FGL1: variants seen among roughly 807,000 people sequenced by gnomAD.
The protein encoded by FGL1 is fibrinogen like 1, also known as fibrinogen-like protein 1.
A neutral mutation model predicts 43.7 loss-of-function variants in FGL1; 59 were observed. That is an observed-to-expected ratio of 1.35 (90% confidence interval 1.10 to 1.68). The LOEUF (loss-of-function observed/expected upper bound fraction) is 1.68. Among genes scored for constraint, FGL1 ranks in the 40% most tolerant of loss-of-function variants. FGL1 has a pLI of 0.00. For synonymous variants in FGL1, 192 were observed against 126.5 expected, an observed-to-expected ratio of 1.52 and a Z score of -3.48; for missense variants, 596 against 373.0, an observed-to-expected ratio of 1.60 and a Z score of -4.92.
chr8:17,873,978 T>C, intron 5 of FGL1, 41 bp downstream of exon 5: 2 of 1,447,004 alleles, frequency 1.4e-6, no homozygotes, highest in Non-Finnish European at 9.3e-7. Context: ...AGTGTTGTTT[T>C]TATTATATTT....
Position 17,885,549 on chromosome 8 carries a change from T to A in FGL1, c.6A>T (p.Ala2=), listed in dbSNP as rs761863714. 2 of 1,613,604 alleles carry A rather than the reference T, an allele frequency of 1.2e-6. No individual in the cohort carries two copies. The highest frequency in any genetic ancestry group is 3.3e-5 in the Admixed American group (2 of 59,940). Residue 2 remains alanine (A), a synonymous_variant, in exon 2 of 8, where the codon GCA becomes GCT. Transcript: ENST00000427924. M[A]KVFSFILVTT... is the part of the protein sequence containing the mutation. ...TAACAAGGATGAAACTGAACACCTT[T>A]GCCATGTTCCCCCTTGAAAAAACTG...
At chr8:17,883,107 T>TATAG (rs1313972465) in intron 2 of FGL1, among the ~76,000 whole-genome samples, 40 of 47,728 alleles carry the variant, frequency 8.4e-4, no homozygotes, top group African/African-American at 5.1e-3. Flanking sequence ...ATATATTAAA[T>TATAG]AATATATATC....
At chr8:17,890,140 G>C (rs948904998) in intron 1 of FGL1, among the ~76,000 whole-genome samples, 4 of 152,160 alleles carry the variant, frequency 2.6e-5, no homozygotes, top group Non-Finnish European at 5.9e-5. Flanking sequence ...GTGAAGCAAA[G>C]TAACTTTCCT....
At chr8:17,877,865 C>T (rs546167439) in intron 3 of FGL1, among the ~76,000 whole-genome samples, 91 of 152,304 alleles carry the variant, frequency 6.0e-4, no homozygotes, top group African/African-American at 2.0e-3. Context: ...AGTAGGCTTT[C>T]TTCCTTGAAA....
intron 6 of FGL1, 37 bp downstream of exon 6, chr8:17,868,879 T>A: frequency 1.3e-6 from 2 of 1,514,652 alleles, no homozygotes; most frequent in Non-Finnish European, 1.8e-6. Context: ...ATTTTAAGCA[T>A]TTATTCACGG....
intron 2 of FGL1, 149 bp from the exon 3 acceptor site, chr8:17,882,328 C>A: frequency 1.5e-6 from 1 of 682,626 alleles, no homozygotes; most frequent in Non-Finnish European, 2.3e-6. Context: ...TTGAAAAGTT[C>A]TAATACTGCC....
intron 2 of FGL1, among the ~76,000 whole-genome samples, chr8:17,885,120 A>G (rs1481523285): frequency 6.6e-6 from 1 of 151,540 alleles, no homozygotes; most frequent in Non-Finnish European, 1.5e-5. Flanking sequence ...AGTTCACTGC[A>G]ATCTCCGCCT....
intron 3 of FGL1, among the ~76,000 whole-genome samples, chr8:17,876,942 G>A (rs1248504629): frequency 6.6e-6 from 1 of 152,020 alleles, no homozygotes; most frequent in South Asian, 2.1e-4. Flanking sequence ...CTTAAGAAAA[G>A]CTTTTAACTG....
rs775823806 is a variant in FGL1 at position 17,874,518 on chromosome 8, C to A, written c.248G>T (p.Cys83Phe). 3 of 1,602,680 alleles carry A rather than the reference C, an allele frequency of 1.9e-6. No individual in the cohort carries two copies. Among genetic ancestry groups the A allele is most frequent in the African/African-American group, 2.7e-5 (2 of 74,392 alleles). Residue 83 changes from cysteine to phenylalanine, a missense_variant, in exon 4 of 8, where the codon TGT becomes TTT. By Grantham distance (205) the Cys-to-Phe change is radical. Transcript: ENST00000427924. ...DLGSKRQYADCSEIFNDGYKL... is the reference protein window; with the variant it reads ...DLGSKRQYADFSEIFNDGYKL... ...ATACCCATCATTGAAAATCTCTGAACAATCTGTTTTTAAAACAAGGTAATG... is the reference window on the plus strand; with the variant it reads ...ATACCCATCATTGAAAATCTCTGAAAAATCTGTTTTTAAAACAAGGTAATG...
At chr8:17,891,871 T>A (rs574747498) in intron 1 of FGL1, 2 of 780,590 alleles carry the variant, frequency 2.6e-6, no homozygotes, top group East Asian at 1.3e-4. Context: ...TTTTTTGTGA[T>A]TTGCAAATAT....
intron 1 of FGL1, among the ~76,000 whole-genome samples, chr8:17,890,433 AC>A (rs2053687914): frequency 6.6e-6 from 1 of 151,710 alleles, no homozygotes; most frequent in Admixed American, 6.6e-5. Context: ...TTTTTGGAAA[AC>A]CCTGAAATAC....
intron 1 of FGL1, among the ~76,000 whole-genome samples, chr8:17,890,294 T>C (rs2053685887): frequency 6.6e-6 from 1 of 152,210 alleles, no homozygotes. Context: ...TACTGAGCCT[T>C]TCCTGGGCAA....
At chr8:17,869,528 A>T (rs35995479) in intron 5 of FGL1, among the ~76,000 whole-genome samples, 1 of 152,232 alleles carries the variant, frequency 6.6e-6, no homozygotes, top group African/African-American at 2.4e-5. Flanking sequence ...CAGCCAGGAA[A>T]CCCTTTAAGA....
chr8:17,891,969 A>T (rs7818956), intron 1 of FGL1: 121 of 173,028 alleles, frequency 7.0e-4, no homozygotes, highest in African/African-American at 2.8e-3. Flanking sequence ...ACCTGAAAAC[A>T]TAATACCTAA....
In FGL1 at chr8:17,874,389, C is replaced by G. The variant is rs768389622; in HGVS notation, c.377G>C (p.Arg126Pro). 2 of 1,613,668 alleles carry G rather than the reference C, an allele frequency of 1.2e-6. No individual in the cohort carries two copies. The highest frequency in any genetic ancestry group is 2.7e-5 in the African/African-American group (2 of 74,900). ...GTTAAAGTTTTCACTGCCATCAGATCGTCTCTGAATTACAGTCCATCCTCC... is the reference window on the plus strand; with the variant it reads ...GTTAAAGTTTTCACTGCCATCAGATGGTCTCTGAATTACAGTCCATCCTCC... Reference protein sequence around the residue: ...DGGGWTVIQRRSDGSENFNRG... With the variant: ...DGGGWTVIQRPSDGSENFNRG... Residue 126 changes from arginine to proline, a missense_variant, in exon 4 of 8, where the codon CGA becomes CCA. Transcript: ENST00000427924.
intron 1 of FGL1, among the ~76,000 whole-genome samples, chr8:17,888,133 T>A (rs1230818454): frequency 6.6e-6 from 1 of 151,976 alleles, no homozygotes; most frequent in African/African-American, 2.4e-5. Context: ...ATTAAAATAT[T>A]TGCTTATGTT....
chr8:17,891,292 G>C (rs1364278257), intron 1 of FGL1: 1 of 152,128 alleles, frequency 6.6e-6, no homozygotes, highest in Non-Finnish European at 1.5e-5. Context: ...AAGAAGAACA[G>C]GGCCATACTT....
rs145911677 is a variant in FGL1, at chr8:17,874,410, C to G, written c.356G>C (p.Gly119Ala). 1.5e-5 allele frequency: 24 copies of G among 1,614,026 alleles called. No homozygotes were observed. The African/African-American group carries it at 2.4e-4, about 16-fold the overall frequency. Residue 119 changes from glycine to alanine, a missense_variant, in exon 4 of 8, where the codon GGA becomes GCA. Physicochemically the swap from Gly to Ala is moderately conservative, Grantham distance 60. Coordinates refer to ENST00000427924, the MANE Select transcript of FGL1 (RefSeq NM_004467.4). ...SVYCDMSDGGGWTVIQRRSDG... is the reference protein window; with the variant it reads ...SVYCDMSDGGAWTVIQRRSDG... ...AGATCGTCTCTGAATTACAGTCCAT[C>G]CTCCTCCATCGGACATGTCACAATA...
intron 1 of FGL1, among the ~76,000 whole-genome samples, chr8:17,887,544 A>G (rs1033640323): frequency 6.6e-6 from 1 of 152,164 alleles, no homozygotes; most frequent in Non-Finnish European, 1.5e-5. Flanking sequence ...TTCACCCAAC[A>G]CTGTGAACAA....
Sources: allele counts gnomAD v4.1 joint callset (sites outside exome capture counted in the v4.1 genomes callset), GRCh38; gene constraint gnomAD v4.1.1; transcripts MANE v1.5; gene names NCBI Gene and HGNC (gene_info 2026-07-23, HGNC 2026-07-21).